RERE: variants seen among roughly 807,000 people sequenced by gnomAD.
RERE encodes arginine-glutamic acid dipeptide repeats, also known as arginine-glutamic acid dipeptide repeats protein.
RERE carries 40 observed loss-of-function variants against 146.1 expected under a neutral mutation model. The observed-to-expected ratio is 0.27, with a 90% CI of 0.21 to 0.36. RERE has a LOEUF of 0.36. Among genes scored for constraint, RERE ranks in the 10% least tolerant of loss-of-function variants. The pLI, the probability that RERE is intolerant of heterozygous loss-of-function variation, is 1.00. For missense variants in RERE, 1,933 were observed against 2,138.7 expected, an observed-to-expected ratio of 0.90 and a Z score of 1.90; for synonymous variants, 1,003 against 866.0, an observed-to-expected ratio of 1.16 and a Z score of -2.78.
chr1:8,677,901 G>C (rs1638879628), intron 1 of RERE, among the ~76,000 whole-genome samples: 2 of 152,176 alleles, frequency 1.3e-5, no homozygotes, highest in African/African-American at 4.8e-5. Context: ...CAGCACAGAG[G>C]CAAGCAATAA....
At chr1:8,571,715 T>G (rs1315739379) in intron 4 of RERE, among the ~76,000 whole-genome samples, 1 of 152,214 alleles carries the variant, frequency 6.6e-6, no homozygotes, top group Non-Finnish European at 1.5e-5. Flanking sequence ...CTACAAACAT[T>G]TTTCTAATAC....
rs144200049 is a variant in RERE, at chr1:8,405,153, G to C, written c.1284+17574C>G. On this transcript the variant is annotated intron_variant, in intron 12 of 22. Coordinates refer to ENST00000400908, the MANE Select transcript of RERE (RefSeq NM_001042681.2). ...AGTGATGGTCAAGAGTGAGAAGGGA[G>C]CATGGCTCTGCTGGTAGCGGTATGC... Among the ~76,000 whole-genome samples the C allele has an allele frequency of 1.5e-4, 23 of 152,288 alleles. No homozygotes were observed. The East Asian group carries it at 4.4e-3, about 29-fold the overall frequency.
intron 11 of RERE, among the ~76,000 whole-genome samples, chr1:8,460,531 C>A (rs1644512872): frequency 6.6e-6 from 1 of 152,052 alleles, no homozygotes. Context: ...ATGTACATGG[C>A]CAATTAAGGT....
chr1:8,664,919 G>A (rs1027756364), intron 1 of RERE, among the ~76,000 whole-genome samples: 1 of 152,150 alleles, frequency 6.6e-6, no homozygotes, highest in Non-Finnish European at 1.5e-5. Flanking sequence ...ATGACATTAT[G>A]TCAATCCCCA....
At chr1:8,584,096 G>A (rs890018631) in intron 4 of RERE, among the ~76,000 whole-genome samples, 3 of 152,004 alleles carry the variant, frequency 2.0e-5, no homozygotes, top group Non-Finnish European at 4.4e-5. Context: ...GAAATGAAGT[G>A]ACAGACATAA....
chr1:8,501,822 G>C (rs1214658855), intron 8 of RERE, among the ~76,000 whole-genome samples: 4 of 117,538 alleles, frequency 3.4e-5, no homozygotes, highest in Non-Finnish European at 7.4e-5. Flanking sequence ...GCCTCTGCCC[G>C]GCTGCCCGTA....
Position 8,683,031 on chromosome 1 carries a change from CAAAAAAAAAAAAAA to C in RERE, c.-144-26604_-144-26591del, listed in dbSNP as rs71580039. On this transcript the variant is annotated intron_variant, in intron 1 of 22. Coordinates refer to ENST00000400908, the MANE Select transcript of RERE (RefSeq NM_001042681.2). ...ACCAACTCTGCCTCACTGTCTTTACCAAAAAAAAAAAAAAAAAAAAAAAAGAATGGAACTCAAAA... is the reference window on the plus strand; with the variant it reads ...ACCAACTCTGCCTCACTGTCTTTACCAAAAAAAAAAGAATGGAACTCAAAA... Among the ~76,000 whole-genome samples, 133 of 65,744 alleles carry C rather than the reference CAAAAAAAAAAAAAA, an allele frequency of 2.0e-3. 1 individual carries two copies. Among genetic ancestry groups the C allele is most frequent in the African/African-American group, 3.1e-3 (48 of 15,578 alleles). The allele number at this position is 65,744 out of a possible 152,430, so 43.1% of individuals were successfully genotyped here.
intron 12 of RERE, among the ~76,000 whole-genome samples, chr1:8,401,022 A>C (rs1305912138): frequency 2.2e-4 from 12 of 54,624 alleles, no homozygotes; most frequent in African/African-American, 6.6e-4. Flanking sequence ...TGTCTCAAAA[A>C]AAAAAAAAAA....
chr1:8,532,096 A>G (rs961951971), intron 7 of RERE, among the ~76,000 whole-genome samples: 1 of 152,220 alleles, frequency 6.6e-6, no homozygotes, highest in African/African-American at 2.4e-5. Flanking sequence ...ATGATTGTCT[A>G]TGTTTTCTTC....
Position 8,607,544 on chromosome 1 carries a change from T to C in RERE, c.522+7017A>G, listed in dbSNP as rs1468414646. ...TTTTTATATATATTTCTTTTTTTTTTTTTTTTTTTTTTTTTTTTTGAGACG... is the reference window on the plus strand; with the variant it reads ...TTTTTATATATATTTCTTTTTTTTTCTTTTTTTTTTTTTTTTTTTGAGACG... On this transcript the variant is annotated intron_variant, in intron 4 of 22. Coordinates refer to ENST00000400908, the MANE Select transcript of RERE (RefSeq NM_001042681.2). 2.1e-4 allele frequency among the ~76,000 whole-genome samples: 20 copies of C among 96,076 alleles called. No homozygotes were observed. In the East Asian group the frequency reaches 5.7e-3, roughly 27 times the overall value. The allele number at this position is 96,076 out of a possible 152,430, so 63.0% of individuals were successfully genotyped here. A position where few individuals can be genotyped will look rare whatever the true frequency, so the allele number is the denominator to read the frequency against.
intron 11 of RERE, among the ~76,000 whole-genome samples, chr1:8,438,345 T>C (rs754484479): frequency 2.3e-4 from 35 of 152,204 alleles, no homozygotes; most frequent in Non-Finnish European, 4.4e-4. Flanking sequence ...GTTAAAAAGA[T>C]GTATATACAT....
intron 11 of RERE, among the ~76,000 whole-genome samples, chr1:8,464,294 C>T (rs1644566650): frequency 6.6e-6 from 1 of 152,152 alleles, no homozygotes; most frequent in African/African-American, 2.4e-5. Flanking sequence ...TCCCATTCCT[C>T]AGCCCTTGCC....
At chr1:8,404,438 A>G (rs1643381254) in intron 12 of RERE, among the ~76,000 whole-genome samples, 1 of 151,134 alleles carries the variant, frequency 6.6e-6, no homozygotes, top group Non-Finnish European at 1.5e-5. Context: ...CAAACAAACA[A>G]AAAAAAGAGA....
At chr1:8,663,312 C>T (rs1638496913) in intron 1 of RERE, among the ~76,000 whole-genome samples, 3 of 152,166 alleles carry the variant, frequency 2.0e-5, no homozygotes, top group Admixed American at 2.0e-4. Flanking sequence ...TGACTTTTGA[C>T]TAAATACAGT....
chr1:8,583,896 C>T (rs1646397090), intron 4 of RERE, among the ~76,000 whole-genome samples: 1 of 151,800 alleles, frequency 6.6e-6, no homozygotes, highest in African/African-American at 2.4e-5. Context: ...ATACAAACCT[C>T]ATATAATGTT....
chr1:8,476,762 C>A (rs986187776), intron 10 of RERE, among the ~76,000 whole-genome samples: 1 of 152,208 alleles, frequency 6.6e-6, no homozygotes, highest in Non-Finnish European at 1.5e-5. Context: ...ACAGGCTACA[C>A]GAGGCAGGGC....
intron 1 of RERE, among the ~76,000 whole-genome samples, chr1:8,722,814 AT>A (rs1199766120): frequency 1.3e-5 from 2 of 152,222 alleles, no homozygotes; most frequent in African/African-American, 4.8e-5. Context: ...ATACGACACC[AT>A]GTTATTTAAA....
At chr1:8,427,656 AAAAG>A (rs1644033641) in intron 11 of RERE, among the ~76,000 whole-genome samples, 1 of 151,496 alleles carries the variant, frequency 6.6e-6, no homozygotes, top group South Asian at 2.1e-4. Context: ...AAAAAAAAAA[AAAAG>A]GAAGTAAAAG....
chr1:8,493,843 C>T (rs1276834002), intron 10 of RERE, among the ~76,000 whole-genome samples: 1 of 152,142 alleles, frequency 6.6e-6, no homozygotes, highest in African/African-American at 2.4e-5. Context: ...ATCAATATAT[C>T]AGAAATTGAT....
Sources: allele counts gnomAD v4.1 joint callset (sites outside exome capture counted in the v4.1 genomes callset), GRCh38; gene constraint gnomAD v4.1.1; transcripts MANE v1.5; gene names NCBI Gene and HGNC (gene_info 2026-07-23, HGNC 2026-07-21).